ABAT: variants seen among roughly 807,000 people sequenced by gnomAD.
The protein encoded by ABAT is 4-aminobutyrate aminotransferase, also known as 4-aminobutyrate aminotransferase, mitochondrial.
A neutral mutation model predicts 64.6 loss-of-function variants in ABAT; 45 were observed. The observed-to-expected ratio is 0.70, with a 90% CI of 0.55 to 0.89. ABAT has a LOEUF of 0.89. Ranked by LOEUF, ABAT falls within the 40% of genes least tolerant of loss-of-function variation. ABAT has a pLI of 0.00. For missense variants in ABAT, 633 were observed against 658.4 expected (o/e 0.96, Z 0.42); for synonymous variants, 297 against 250.5 (o/e 1.19, Z -1.75).
At chr16:8,722,919 T>A in intron 1 of ABAT, 1 of 1,248,346 alleles carries the variant, frequency 8.0e-7, no homozygotes, top group Non-Finnish European at 1.1e-6. Context: ...GTCAGGTGTT[T>A]CTTAGAGTCC....
intron 2 of ABAT, among the ~76,000 whole-genome samples, chr16:8,740,505 C>T (rs1372702912): frequency 1.3e-5 from 2 of 152,140 alleles, no homozygotes; most frequent in Admixed American, 6.5e-5. Context: ...ATACGTGGAC[C>T]TCTTCACAGA....
chr16:8,737,991 G>GGAAA (rs71152925), intron 2 of ABAT, among the ~76,000 whole-genome samples: 1 of 14,952 alleles, frequency 6.7e-5, no homozygotes, highest in African/African-American at 2.8e-4. Context: ...GAAGGAAGGA[G>GGAAA]GAAAGAAAGA....
chr16:8,746,538 G>A (rs2059334995), intron 3 of ABAT, among the ~76,000 whole-genome samples: 4 of 151,704 alleles, frequency 2.6e-5, no homozygotes, highest in Admixed American at 6.6e-5. Flanking sequence ...GCACCACCAC[G>A]CCTGGCTAAT....
intron 5 of ABAT, among the ~76,000 whole-genome samples, chr16:8,756,977 G>A (rs916879311): frequency 6.6e-6 from 1 of 152,138 alleles, no homozygotes; most frequent in Admixed American, 6.5e-5. Context: ...GCAGGATGAG[G>A]CATGCGGGTC....
At chr16:8,703,602 C>T (rs1244267840) in intron 1 of ABAT, among the ~76,000 whole-genome samples, 1 of 152,142 alleles carries the variant, frequency 6.6e-6, no homozygotes, top group Non-Finnish European at 1.5e-5. Flanking sequence ...GTGTTGCTGA[C>T]ATGTTAGCAG....
Position 8,782,022 on chromosome 16 carries a change from G to GC in ABAT, c.*597dup. 1 of 168,156 alleles carries GC rather than the reference G, an allele frequency of 5.9e-6. No individual in the cohort carries two copies. The highest frequency in any genetic ancestry group is 1.3e-5 in the Non-Finnish European group (1 of 76,654). The allele number at this position is 168,156 out of a possible 1,614,324, so 10.4% of individuals were successfully genotyped here. Reference sequence around the variant, plus strand: ...CAGGAGTAAGGGAAGAGGTCCTCTGGCCCCCTGAAGATGAGAATCACCCCT... The same window carrying GC: ...CAGGAGTAAGGGAAGAGGTCCTCTGGCCCCCCTGAAGATGAGAATCACCCCT... On this transcript the variant is annotated 3_prime_UTR_variant, in exon 16 of 16. Transcript: ENST00000268251.
At chr16:8,747,903 C>T (rs555426543) in intron 3 of ABAT, among the ~76,000 whole-genome samples, 1 of 152,018 alleles carries the variant, frequency 6.6e-6, no homozygotes, top group Non-Finnish European at 1.5e-5. Context: ...GCCTGTCTAT[C>T]GTACTAGTAA....
intron 1 of ABAT, among the ~76,000 whole-genome samples, chr16:8,709,262 C>T (rs927739395): frequency 2.6e-5 from 4 of 151,338 alleles, no homozygotes; most frequent in Non-Finnish European, 4.4e-5. Context: ...TGCCTTTTTC[C>T]ATGTGTTCCA....
At chr16:8,718,222 C>T (rs138069464) in intron 1 of ABAT, among the ~76,000 whole-genome samples, 17 of 152,244 alleles carry the variant, frequency 1.1e-4, no homozygotes, top group Non-Finnish European at 1.8e-4. Context: ...GGCAGGTGTG[C>T]GCTTAATCCC....
Position 8,750,436 on chromosome 16 carries a change from G to T in ABAT, c.213G>T (p.Val71=). Residue 71 remains valine (V), a synonymous_variant, in exon 5 of 16, where the codon GTG becomes GTT. Transcript: ENST00000268251. ...CTTTCTCCAAGAATGCAGAGGCTGT[G>T]CATTTTTTCTGCAATTACGAAGAGA... ...QLNIIQNAEA[V]HFFCNYEESR... is the part of the protein sequence containing the mutation. 1.2e-6 allele frequency: 2 copies of T among 1,614,124 alleles called. No individual in the cohort carries two copies. The highest frequency in any genetic ancestry group is 1.7e-6 in the Non-Finnish European group (2 of 1,180,012).
At chr16:8,713,105 TG>T (rs1247450966) in intron 1 of ABAT, 6 of 152,308 alleles carry the variant, frequency 3.9e-5, no homozygotes, top group African/African-American at 9.6e-5. Context: ...AGGTGGAGCG[TG>T]GGCGCCAGAG....
At chr16:8,743,972 G>C (rs1234855013) in intron 2 of ABAT, among the ~76,000 whole-genome samples, 1 of 152,082 alleles carries the variant, frequency 6.6e-6, no homozygotes, top group Non-Finnish European at 1.5e-5. Flanking sequence ...CTTTCACTCA[G>C]GGATCAGCAA....
rs1193778879 is a variant in ABAT at position 8,783,156 on chromosome 16, T to C, written c.*1726T>C. The C allele has an allele frequency of 6.6e-6, 1 of 152,182 alleles. No homozygotes were observed. Among genetic ancestry groups the C allele is most frequent in the African/African-American group, 2.4e-5 (1 of 41,444 alleles). The allele number at this position is 152,182 out of a possible 1,614,324, so 9.4% of individuals were successfully genotyped here. ...GTGGTGATGTATGCCTCCCACTCTC[T>C]GCAAGGTTTTCCTCATTTTTATATT... is the stretch of plus-strand genomic sequence containing the variant. On this transcript the variant is annotated 3_prime_UTR_variant, in exon 16 of 16. Transcript: ENST00000268251.
At chr16:8,758,102 A>G (rs2142851993) in intron 6 of ABAT, among the ~76,000 whole-genome samples, 1 of 152,330 alleles carries the variant, frequency 6.6e-6, no homozygotes, top group South Asian at 2.1e-4. Flanking sequence ...GCTAATAGTT[A>G]ATGTTTATGG....
At chr16:8,675,883 C>A (rs1018741425) in intron 1 of ABAT, among the ~76,000 whole-genome samples, 2 of 152,158 alleles carry the variant, frequency 1.3e-5, no homozygotes, top group African/African-American at 4.8e-5. Flanking sequence ...AAAGTGTGCA[C>A]CCCCGCAAGC....
chr16:8,758,595 T>A (rs1192411686), intron 6 of ABAT, among the ~76,000 whole-genome samples: 1 of 151,886 alleles, frequency 6.6e-6, no homozygotes, highest in Non-Finnish European at 1.5e-5. Flanking sequence ...GGTGGGGGGC[T>A]GTCCTGTGCA....
chr16:8,757,730 T>C (rs2059687659), intron 5 of ABAT, 27 bp from the exon 6 acceptor site: 2 of 1,612,026 alleles, frequency 1.2e-6, no homozygotes, highest in African/African-American at 2.7e-5. Context: ...TGCAATGAGG[T>C]CTCTAACAAT....
intron 1 of ABAT, among the ~76,000 whole-genome samples, chr16:8,723,944 A>C (rs1171735892): frequency 6.9e-6 from 1 of 145,224 alleles, no homozygotes; most frequent in Non-Finnish European, 1.5e-5. Flanking sequence ...GGGTTCAAGC[A>C]ATTATCCTGT....
At chr16:8,699,559 A>T (rs2057774257) in intron 1 of ABAT, among the ~76,000 whole-genome samples, 1 of 152,074 alleles carries the variant, frequency 6.6e-6, no homozygotes, top group African/African-American at 2.4e-5. Flanking sequence ...CTCCGTCTCA[A>T]AAACAATAAT....
Sources: gnomAD v4.1 joint callset for allele counts (sites outside exome capture counted in the v4.1 genomes callset) on GRCh38, gnomAD v4.1.1 for gene constraint, MANE v1.5 for transcripts, NCBI Gene and HGNC (gene_info 2026-07-23, HGNC 2026-07-21) for gene names.